Variants in KCNH8 observed in about 807,000 individuals in gnomAD.
KCNH8 encodes potassium voltage-gated channel subfamily H member 8, also known as voltage-gated delayed rectifier potassium channel KCNH8.
KCNH8 carries 70 observed loss-of-function variants against 103.6 expected under a neutral mutation model. The observed-to-expected ratio is 0.68, with a 90% CI of 0.56 to 0.82. The LOEUF (loss-of-function observed/expected upper bound fraction) is 0.82, where lower values mean the gene tolerates loss of function less well. Ranked by LOEUF, KCNH8 falls within the 40% of genes least tolerant of loss-of-function variation. The pLI, the probability that KCNH8 is intolerant of heterozygous loss-of-function variation, is 0.00. For synonymous variants in KCNH8, 498 were observed against 489.4 expected (o/e 1.02, Z -0.23); for missense variants, 1,217 against 1,329.9 (o/e 0.92, Z 1.32).
At chr3:19,446,075 C>CA (rs1575075411) in intron 8 of KCNH8, among the ~76,000 whole-genome samples, 2 of 151,820 alleles carry the variant, frequency 1.3e-5, no homozygotes, top group Non-Finnish European at 2.9e-5. Context: ...GTCTCATTAT[C>CA]AAAAAATAGT....
chr3:19,484,507 C>T (rs1219891599), intron 11 of KCNH8, among the ~76,000 whole-genome samples: 2 of 152,202 alleles, frequency 1.3e-5, no homozygotes, highest in Non-Finnish European at 2.9e-5. Flanking sequence ...CTGGATGTGA[C>T]TGGAGCAGGG....
At chr3:19,304,669 G>A (rs2065107125) in intron 3 of KCNH8, among the ~76,000 whole-genome samples, 1 of 152,078 alleles carries the variant, frequency 6.6e-6, no homozygotes, top group Non-Finnish European at 1.5e-5. Flanking sequence ...AAAATAAAAA[G>A]AAGTAATTAG....
chr3:19,489,017 T>C (rs1403607970), intron 11 of KCNH8, among the ~76,000 whole-genome samples: 2 of 152,196 alleles, frequency 1.3e-5, no homozygotes, highest in African/African-American at 2.4e-5. Flanking sequence ...AGGCACGCCT[T>C]TCCACCATGT....
At chr3:19,227,854 A>G (rs2063949176) in intron 1 of KCNH8, among the ~76,000 whole-genome samples, 1 of 152,186 alleles carries the variant, frequency 6.6e-6, no homozygotes, top group African/African-American at 2.4e-5. Context: ...TTTCCACTAT[A>G]CATGATGCCT....
At chr3:19,491,142 T>C (rs2068310953) in intron 11 of KCNH8, among the ~76,000 whole-genome samples, 2 of 152,194 alleles carry the variant, frequency 1.3e-5, no homozygotes, top group South Asian at 2.1e-4. Flanking sequence ...TTACTAATTA[T>C]ATACATATAT....
chr3:19,411,927 A>G (rs1437517629), intron 7 of KCNH8, among the ~76,000 whole-genome samples: 1 of 152,068 alleles, frequency 6.6e-6, no homozygotes, highest in African/African-American at 2.4e-5. Flanking sequence ...AGAAGAATCA[A>G]TACCATTAAA....
chr3:19,433,019 T>G (rs902346923), intron 7 of KCNH8, among the ~76,000 whole-genome samples: 1 of 152,094 alleles, frequency 6.6e-6, no homozygotes, highest in East Asian at 1.9e-4. Flanking sequence ...TTTGGGGGGT[T>G]TTTTTGTACA....
At chr3:19,169,311 T>C (rs1329790675) in intron 1 of KCNH8, among the ~76,000 whole-genome samples, 2 of 147,238 alleles carry the variant, frequency 1.4e-5, no homozygotes, top group Non-Finnish European at 3.0e-5. Flanking sequence ...CAGGCTGGAG[T>C]GCAGTGGCGC....
intron 3 of KCNH8, among the ~76,000 whole-genome samples, chr3:19,288,272 A>G (rs1216590587): frequency 1.4e-5 from 2 of 142,088 alleles, no homozygotes; most frequent in East Asian, 4.2e-4. Context: ...GTACATGTGC[A>G]CAACATGCAG....
At chr3:19,394,964 C>A in intron 6 of KCNH8, 140 bp from the exon 7 acceptor site, 1 of 662,876 alleles carries the variant, frequency 1.5e-6, no homozygotes, top group Non-Finnish European at 2.7e-6. Flanking sequence ...TATAATATGT[C>A]AAGAACAAAG....
intron 11 of KCNH8, among the ~76,000 whole-genome samples, chr3:19,497,376 G>A (rs985662200): frequency 6.6e-6 from 1 of 152,076 alleles, no homozygotes; most frequent in Non-Finnish European, 1.5e-5. Context: ...TTTGATGTGG[G>A]TGTTTAGTGC....
At chr3:19,416,849 T>C (rs560939782) in intron 7 of KCNH8, among the ~76,000 whole-genome samples, 1 of 152,320 alleles carries the variant, frequency 6.6e-6, no homozygotes, top group African/African-American at 2.4e-5. Flanking sequence ...TTTTTAAAGC[T>C]TAAGTTTCTT....
At chr3:19,238,518 A>C (rs1264391649) in intron 1 of KCNH8, among the ~76,000 whole-genome samples, 2 of 152,222 alleles carry the variant, frequency 1.3e-5, no homozygotes, top group African/African-American at 2.4e-5. Context: ...ATTTATTTGC[A>C]TAGAATAATA....
At chr3:19,457,047 G>A (rs2067544042) in intron 11 of KCNH8, 65 bp downstream of exon 11, 1 of 1,123,174 alleles carries the variant, frequency 8.9e-7, no homozygotes, top group South Asian at 1.4e-5. Context: ...ATTTGTAACA[G>A]TAAAGGCAGA....
intron 5 of KCNH8, among the ~76,000 whole-genome samples, chr3:19,380,076 C>T (rs1374706659): frequency 6.6e-6 from 1 of 152,102 alleles, no homozygotes; most frequent in East Asian, 1.9e-4. Flanking sequence ...AGTACAGAGA[C>T]ACACAGCATT....
chr3:19,419,552 T>C (rs1163380452), intron 7 of KCNH8, among the ~76,000 whole-genome samples: 2 of 152,122 alleles, frequency 1.3e-5, no homozygotes, highest in African/African-American at 2.4e-5. Flanking sequence ...TGCCAAAATG[T>C]CTATGCTGAC....
intron 7 of KCNH8, among the ~76,000 whole-genome samples, chr3:19,403,354 T>C (rs1161273188): frequency 8.8e-6 from 1 of 114,172 alleles, no homozygotes; most frequent in Non-Finnish European, 1.9e-5. Flanking sequence ...GAAATACATA[T>C]GTAAAGAATA....
chr3:19,217,499 G>A (rs1395840734), intron 1 of KCNH8, among the ~76,000 whole-genome samples: 1 of 151,940 alleles, frequency 6.6e-6, no homozygotes, highest in Non-Finnish European at 1.5e-5. Flanking sequence ...ATATAATTAC[G>A]CATTTAACAA....
intron 1 of KCNH8, among the ~76,000 whole-genome samples, chr3:19,162,392 G>A (rs1348712003): frequency 6.6e-6 from 1 of 151,512 alleles, no homozygotes; most frequent in Non-Finnish European, 1.5e-5. Flanking sequence ...GGGCATGGTG[G>A]TGCATGTCTG....
Sources: allele counts gnomAD v4.1 joint callset (sites outside exome capture counted in the v4.1 genomes callset), GRCh38; gene constraint gnomAD v4.1.1; transcripts MANE v1.5; gene names NCBI Gene and HGNC (gene_info 2026-07-23, HGNC 2026-07-21).